ATP6V0A1: variants seen among roughly 807,000 people sequenced by gnomAD.
ATP6V0A1 encodes V-type proton ATPase 116 kDa subunit a 1.
ATP6V0A1 carries 43 observed loss-of-function variants against 105.4 expected under a neutral mutation model. The observed-to-expected ratio is 0.41, with a 90% CI of 0.32 to 0.53. The LOEUF (loss-of-function observed/expected upper bound fraction) is 0.53, where lower values mean the gene tolerates loss of function less well. Among genes scored for constraint, ATP6V0A1 ranks in the 20% least tolerant of loss-of-function variants. ATP6V0A1 has a pLI of 0.30. For missense variants in ATP6V0A1, 676 were observed against 1,051.1 expected, an observed-to-expected ratio of 0.64 and a Z score of 4.93; for synonymous variants, 362 against 372.8, an observed-to-expected ratio of 0.97 and a Z score of 0.33.
chr17:42,490,416 G>A (rs1319165750), intron 10 of ATP6V0A1, 71 bp from the exon 11 acceptor site: 3 of 1,388,378 alleles, frequency 2.2e-6, no homozygotes, highest in African/African-American at 3.0e-5. Flanking sequence ...TTCAAGAAAT[G>A]TACACCTGTG....
chr17:42,477,843 C>A, intron 6 of ATP6V0A1, 101 bp downstream of exon 6: 1 of 969,322 alleles, frequency 1.0e-6, no homozygotes, highest in Non-Finnish European at 1.6e-6. Context: ...CCAGGATATG[C>A]CCTCTTCTGA....
chr17:42,507,066 T>C (rs2092072630), intron 17 of ATP6V0A1, among the ~76,000 whole-genome samples: 1 of 152,224 alleles, frequency 6.6e-6, no homozygotes, highest in Non-Finnish European at 1.5e-5. Context: ...GTTAAAAGCT[T>C]ATCAGACTAG....
chr17:42,494,569 T>A, intron 12 of ATP6V0A1, 96 bp downstream of exon 12: 1 of 1,407,350 alleles, frequency 7.1e-7, no homozygotes, highest in South Asian at 1.4e-5. Flanking sequence ...TATCCATGAA[T>A]TTATCAAAAG....
Position 42,490,569 on chromosome 17 carries a change from A to C in ATP6V0A1, c.1106A>C (p.Lys369Thr), listed in dbSNP as rs1395143398. The C allele has an allele frequency of 6.2e-7, 1 of 1,613,786 alleles. No individual in the cohort carries two copies. The change falls in exon 11 of 22, where the codon AAG (lysine) becomes ACG (threonine). Residue 369 changes from lysine to threonine, a missense_variant. Coordinates refer to ENST00000343619, the MANE Select transcript of ATP6V0A1 (RefSeq NM_001130021.3). ...CCCCCAACCTATAACAAAACCAACA[A>C]GTTTACCTATGGCTTTCAGAACATA... Reference protein sequence around the residue: ...QTPPTYNKTNKFTYGFQNIVD... With the variant: ...QTPPTYNKTNTFTYGFQNIVD...
intron 5 of ATP6V0A1, among the ~76,000 whole-genome samples, chr17:42,473,944 G>C (rs2088346944): frequency 6.6e-6 from 1 of 151,854 alleles, no homozygotes; most frequent in African/African-American, 2.4e-5. Context: ...TTTTGAGAAG[G>C]CAGACTCTAA....
intron 10 of ATP6V0A1, 56 bp downstream of exon 10, chr17:42,487,423 A>T: frequency 6.4e-7 from 1 of 1,567,072 alleles, no homozygotes; most frequent in South Asian, 1.1e-5. Flanking sequence ...GTTCCCATCA[A>T]TAGTAACATT....
At chr17:42,487,554 C>T (rs559845915) in intron 10 of ATP6V0A1, among the ~76,000 whole-genome samples, 187 bp downstream of exon 10, 4 of 152,142 alleles carry the variant, frequency 2.6e-5, no homozygotes, top group South Asian at 2.1e-4. Flanking sequence ...GGTGAAACCC[C>T]GTCTCTACTA....
chr17:42,498,931 A>G lies in ATP6V0A1; in HGVS notation c.1568A>G (p.Asn523Ser). ...TTTCTCGGGTTATGACAGATTTGGA[A>G]CATTGCTACCAATAAACTGACGTTC... ...PYPFGIDPIW[N>S]IATNKLTFLN... Residue 523 changes from asparagine (N) to serine (S), a missense_variant, in exon 15 of 22, where the codon AAC (asparagine) becomes AGC (serine). Asn to Ser is a conservative substitution (Grantham distance 46). Transcript: ENST00000343619. The G allele has an allele frequency of 6.2e-7, 1 of 1,607,008 alleles. No individual in the cohort carries two copies. The highest frequency in any genetic ancestry group is 8.5e-7 in the Non-Finnish European group (1 of 1,173,836).
chr17:42,511,085 A>T (rs2092323934), intron 19 of ATP6V0A1: 1 of 152,462 alleles, frequency 6.6e-6, no homozygotes, highest in Non-Finnish European at 1.5e-5. Context: ...GTCGTTCCCC[A>T]GGAGAAGGAG....
chr17:42,521,098 G>A lies in ATP6V0A1; in HGVS notation c.2492G>A (p.Arg831Gln), dbSNP rs758251014. 8 of 1,609,354 alleles carry A rather than the reference G, an allele frequency of 5.0e-6. No individual in the cohort carries two copies. Among genetic ancestry groups the A allele is most frequent in the Non-Finnish European group, 6.8e-6 (8 of 1,177,852 alleles). Residue 831 changes from arginine (R) to glutamine (Q), a missense_variant, in exon 22 of 22, where the codon CGG (arginine) becomes CAG (glutamine). Arg to Gln is a conservative substitution (Grantham distance 43). Coordinates refer to ENST00000343619, the MANE Select transcript of ATP6V0A1 (RefSeq NM_001130021.3). The surrounding 1 kb of genome is among the most constrained non-coding windows in gnomAD (Gnocchi z 4.8). ...KFLPFSFEHI[R>Q]EGKFEE is the part of the protein sequence containing the mutation. ...TTACCCTTCTCCTTCGAGCATATTC[G>A]GGAAGGGAAGTTTGAAGAGTGAGTC...
At chr17:42,495,582 C>A in intron 13 of ATP6V0A1, 44 bp from the exon 14 acceptor site, 1 of 1,484,910 alleles carries the variant, frequency 6.7e-7, no homozygotes, top group Non-Finnish European at 9.4e-7. Context: ...TGTTGTTTCC[C>A]TCTCTTGTTC....
At chr17:42,490,911 G>C (rs1413201989) in intron 11 of ATP6V0A1, among the ~76,000 whole-genome samples, 1 of 152,062 alleles carries the variant, frequency 6.6e-6, no homozygotes, top group East Asian at 1.9e-4. Flanking sequence ...CTAGGCTGTA[G>C]TGCAATGGTG....
chr17:42,470,049 C>A, intron 4 of ATP6V0A1, 41 bp from the exon 5 acceptor site: 1 of 1,528,656 alleles, frequency 6.5e-7, no homozygotes, highest in Admixed American at 2.0e-5. Context: ...TCAGAGCAAA[C>A]ATATTGAGCT....
rs573083027 is a variant in ATP6V0A1 at position 42,495,532 on chromosome 17, T to C, written c.1470-94T>C. 1,140 of 948,286 alleles carry C rather than the reference T, an allele frequency of 1.2e-3. 2 individuals are homozygous for C. Among genetic ancestry groups the C allele is most frequent in the Non-Finnish European group, 1.5e-3 (929 of 607,178 alleles). The allele number at this position is 948,286 out of a possible 1,614,324, so 58.7% of individuals were successfully genotyped here. On this transcript the variant is annotated intron_variant, in intron 13 of 21. Coordinates refer to ENST00000343619, the MANE Select transcript of ATP6V0A1 (RefSeq NM_001130021.3). ...CTCCCATTTTATTGAAGAGACAAGA[T>C]AGCTACAGTAATTTATTTTGGGGTC...
At chr17:42,510,171 C>T (rs1412792967) in intron 19 of ATP6V0A1, 3 of 152,250 alleles carry the variant, frequency 2.0e-5, no homozygotes, top group African/African-American at 7.2e-5. Context: ...AAGGCCGTGA[C>T]CACTCAGCAA....
rs768437493 is a variant in ATP6V0A1 at position 42,500,747 on chromosome 17, C to G, written c.1720C>G (p.Pro574Ala). ...CCTGAATATCTACTTTGGATTTATT[C>G]CTGAAATAATCTTCATGACCTCTTT... The part of the protein sequence containing the change: ...KPLNIYFGFI[P>A]EIIFMTSLFG... Residue 574 changes from proline to alanine, a missense_variant, in exon 16 of 22, where the codon CCT becomes GCT. Pro to Ala is a conservative substitution (Grantham distance 27). Around this residue, in one of 3 missense-constraint regions of ATP6V0A1, gnomAD observed 435 missense variants for 642.2 expected, o/e 0.68. Transcript: ENST00000343619. 3 of 1,613,856 alleles carry G rather than the reference C, an allele frequency of 1.9e-6. No individual in the cohort carries two copies. The highest frequency in any genetic ancestry group is 2.5e-6 in the Non-Finnish European group (3 of 1,179,838).
Position 42,514,476 on chromosome 17 carries a change from G to A in ATP6V0A1, c.2420+16G>A. On this transcript the variant is annotated intron_variant, in intron 21 of 21. Transcript: ENST00000343619. ...GCTTACACTGGTGAGGGGCAGTGGGGCAGGGCGGGCATGGGGGTGGATGTG... is the reference window on the plus strand; with the variant it reads ...GCTTACACTGGTGAGGGGCAGTGGGACAGGGCGGGCATGGGGGTGGATGTG... The A allele has an allele frequency of 1.3e-6, 2 of 1,566,920 alleles. No homozygotes were observed. The highest frequency in any genetic ancestry group is 1.9e-5 in the Admixed American group (1 of 53,492).
rs2090529420 is a variant in ATP6V0A1, at chr17:42,490,597, A to G, written c.1134A>G (p.Val378=). The part of the protein sequence containing the change: ...NKFTYGFQNI[V]DAYGIGTYRE... ...TTACCTATGGCTTTCAGAACATAGT[A>G]GATGCTTATGGAATTGGAACTTACC... The change falls in exon 11 of 22, where the codon GTA becomes GTG. Residue 378 remains valine, a synonymous_variant. Coordinates refer to ENST00000343619, the MANE Select transcript of ATP6V0A1 (RefSeq NM_001130021.3). 3 of 1,611,870 alleles carry G rather than the reference A, an allele frequency of 1.9e-6. No homozygotes were observed. Among genetic ancestry groups the G allele is most frequent in the African/African-American group, 1.3e-5 (1 of 74,894 alleles).
At chr17:42,492,200 C>T (rs539720816) in intron 11 of ATP6V0A1, among the ~76,000 whole-genome samples, 2 of 150,548 alleles carry the variant, frequency 1.3e-5, no homozygotes, top group African/African-American at 4.9e-5. Context: ...GAAACCCTGC[C>T]TCTACTAAAA....
Sources: gnomAD v4.1 joint callset for allele counts (sites outside exome capture counted in the v4.1 genomes callset) on GRCh38, gnomAD v4.1.1 for gene constraint, gnomAD v4.1.1 regional missense constraint, Gnocchi (gnomAD v3.1) non-coding constraint, MANE v1.5 for transcripts, NCBI Gene and HGNC (gene_info 2026-07-23, HGNC 2026-07-21) for gene names.